FIGN: variants seen among roughly 807,000 people sequenced by gnomAD.
The protein encoded by FIGN is fidgetin.
Under a neutral mutation model 51.3 loss-of-function variants are expected in FIGN, and 11 were observed. That is an observed-to-expected ratio of 0.21 (90% CI 0.13 to 0.35). FIGN has a LOEUF of 0.35. Among genes scored for constraint, FIGN ranks in the 10% least tolerant of loss-of-function variants. FIGN has a pLI of 1.00. For synonymous variants in FIGN, 407 were observed against 363.2 expected, an observed-to-expected ratio of 1.12 and a Z score of -1.37; for missense variants, 857 against 943.6, an observed-to-expected ratio of 0.91 and a Z score of 1.20.
chr2:163,734,764 T>G, intron 2 of FIGN, 139 bp downstream of exon 2: 2 of 691,014 alleles, frequency 2.9e-6, no homozygotes, highest in Non-Finnish European at 4.6e-6. Flanking sequence ...CATGGTGACA[T>G]TAAACATATA....
Position 163,611,038 on chromosome 2 carries a change from C to G in FIGN, c.794G>C (p.Gly265Ala), listed in dbSNP as rs369831057. 14 of 1,613,870 alleles carry G rather than the reference C, an allele frequency of 8.7e-6. No homozygotes were observed. In the Admixed American group the frequency reaches 1.0e-4, roughly 12 times the overall value. Reference protein sequence around the residue: ...QTAVGSGYSPGGAPPPPSAYL... With the variant: ...QTAVGSGYSPAGAPPPPSAYL... ...CGCTGAAGGCGGAGGCGGTGCCCCC[C>G]CAGGGCTGTACCCAGACCCCACAGC... is the stretch of plus-strand genomic sequence containing the variant. The change falls in exon 3 of 3, where the codon GGG (glycine) becomes GCG (alanine). Residue 265 changes from glycine to alanine, a missense_variant. Physicochemically the swap from Gly to Ala is moderately conservative, Grantham distance 60 (BLOSUM62 0). Transcript: ENST00000333129.
rs570713768 is a variant in FIGN at position 163,720,433 on chromosome 2, A to T, written c.25+14470T>A. Among the ~76,000 whole-genome samples the T allele has an allele frequency of 2.6e-5, 4 of 152,336 alleles. No individual in the cohort carries two copies. The East Asian group carries it at 5.8e-4, about 22-fold the overall frequency. ...TTATTTGTGATTAGTTTCTATTCTAATCAAAAGAGTCCATTAGAAAACATT... is the reference window on the plus strand; with the variant it reads ...TTATTTGTGATTAGTTTCTATTCTATTCAAAAGAGTCCATTAGAAAACATT... On this transcript the variant is annotated intron_variant, in intron 2 of 2. Coordinates refer to ENST00000333129, the MANE Select transcript of FIGN (RefSeq NM_018086.4).
intron 2 of FIGN, among the ~76,000 whole-genome samples, chr2:163,647,853 C>T (rs1443165647): frequency 2.6e-5 from 4 of 151,762 alleles, no homozygotes; most frequent in Non-Finnish European, 4.4e-5. Flanking sequence ...TAAAGAGAGA[C>T]AAAGTGAGAA....
chr2:163,635,599 G>A (rs547382557), intron 2 of FIGN, among the ~76,000 whole-genome samples: 26 of 152,178 alleles, frequency 1.7e-4, no homozygotes, highest in Non-Finnish European at 2.8e-4. Context: ...CCTTATATGG[G>A]TAACCACATA....
At chr2:163,695,613 G>T (rs1238929087) in intron 2 of FIGN, among the ~76,000 whole-genome samples, 1 of 152,120 alleles carries the variant, frequency 6.6e-6, no homozygotes. Flanking sequence ...AAGACTATTA[G>T]TAATTACGTT....
At chr2:163,699,211 T>C (rs1266807391) in intron 2 of FIGN, among the ~76,000 whole-genome samples, 2 of 152,158 alleles carry the variant, frequency 1.3e-5, no homozygotes, top group African/African-American at 4.8e-5. Context: ...AAGAAGTTTT[T>C]AGTTGTTAGA....
At chr2:163,699,137 G>C (rs367623713) in intron 2 of FIGN, among the ~76,000 whole-genome samples, 51 of 152,232 alleles carry the variant, frequency 3.4e-4, no homozygotes, top group African/African-American at 1.2e-3. Context: ...CAATAGCTAT[G>C]CAACAGGAAC....
intron 2 of FIGN, among the ~76,000 whole-genome samples, chr2:163,652,250 C>T (rs1683488378): frequency 6.6e-6 from 1 of 151,408 alleles, no homozygotes; most frequent in Non-Finnish European, 1.5e-5. Flanking sequence ...AGCTTTTCTG[C>T]CTGTATTTAA....
intron 2 of FIGN, among the ~76,000 whole-genome samples, chr2:163,726,461 T>C (rs1028891791): frequency 1.1e-4 from 17 of 152,132 alleles, no homozygotes; most frequent in African/African-American, 4.1e-4. Flanking sequence ...GTGATTATTC[T>C]TAACAAGTTA....
At chr2:163,613,285 C>T (rs1202138663) in intron 2 of FIGN, among the ~76,000 whole-genome samples, 1 of 151,948 alleles carries the variant, frequency 6.6e-6, no homozygotes, top group Non-Finnish European at 1.5e-5. Flanking sequence ...TTTTGTATTA[C>T]CCAAAGTGAA....
At chr2:163,669,828 C>T (rs1225820107) in intron 2 of FIGN, among the ~76,000 whole-genome samples, 1 of 152,084 alleles carries the variant, frequency 6.6e-6, no homozygotes. Flanking sequence ...TCTTTATTCT[C>T]TTCTAATTGC....
intron 2 of FIGN, among the ~76,000 whole-genome samples, chr2:163,707,792 C>A (rs2105354679): frequency 6.6e-6 from 1 of 151,974 alleles, no homozygotes; most frequent in East Asian, 1.9e-4. Flanking sequence ...TCCTGTAAAT[C>A]TTATAATAAA....
intron 2 of FIGN, among the ~76,000 whole-genome samples, chr2:163,629,343 G>T (rs140623631): frequency 1.2e-3 from 188 of 152,270 alleles, no homozygotes; most frequent in Non-Finnish European, 1.7e-3. Flanking sequence ...GCAATGAACA[G>T]ACTAGAGCTG....
chr2:163,716,317 C>T (rs1401553261), intron 2 of FIGN, among the ~76,000 whole-genome samples: 2 of 152,152 alleles, frequency 1.3e-5, no homozygotes, highest in Non-Finnish European at 2.9e-5. Flanking sequence ...TGTACTTTAA[C>T]CCATTCCCAG....
chr2:163,649,515 C>T (rs1483359928), intron 2 of FIGN, among the ~76,000 whole-genome samples: 1 of 152,136 alleles, frequency 6.6e-6, no homozygotes, highest in Admixed American at 6.5e-5. Flanking sequence ...CCAGATGTTC[C>T]GTGTCCCAGC....
chr2:163,655,790 C>T (rs971525128), intron 2 of FIGN, among the ~76,000 whole-genome samples: 1 of 144,150 alleles, frequency 6.9e-6, no homozygotes, highest in Non-Finnish European at 1.5e-5. Context: ...CACACGCACA[C>T]ACACACACAC....
At chr2:163,721,809 G>T (rs1684761527) in intron 2 of FIGN, among the ~76,000 whole-genome samples, 1 of 152,168 alleles carries the variant, frequency 6.6e-6, no homozygotes, top group Non-Finnish European at 1.5e-5. Context: ...GGTTTTCTTA[G>T]TAAAATTGTG....
At chr2:163,717,481 T>C (rs746835697) in intron 2 of FIGN, among the ~76,000 whole-genome samples, 5 of 152,068 alleles carry the variant, frequency 3.3e-5, no homozygotes, top group African/African-American at 7.2e-5. Flanking sequence ...TCATAGTATT[T>C]TGGGGTGATG....
intron 2 of FIGN, among the ~76,000 whole-genome samples, chr2:163,676,480 T>C: frequency 1.3e-5 from 1 of 76,886 alleles, no homozygotes; most frequent in South Asian, 4.5e-4. Flanking sequence ...TATATATATA[T>C]ATAACTAGAG....
Sources: gnomAD v4.1 joint callset for allele counts (sites outside exome capture counted in the v4.1 genomes callset) on GRCh38, gnomAD v4.1.1 for gene constraint, MANE v1.5 for transcripts, NCBI Gene and HGNC (gene_info 2026-07-23, HGNC 2026-07-21) for gene names.